Variants in FBF1 observed in about 807,000 individuals in gnomAD.
FBF1 encodes the protein Fas binding factor 1.
In FBF1, 119 loss-of-function variants were observed where a neutral mutation model predicts 147.2. The ratio of observed to expected loss-of-function variants is 0.81; its 90% CI spans 0.70 to 0.94. FBF1 has a LOEUF of 0.94. Ranked by LOEUF, FBF1 falls within the 40% of genes least tolerant of loss-of-function variation. FBF1 has a pLI of 0.00. For synonymous variants in FBF1, 601 were observed against 609.0 expected, an observed-to-expected ratio of 0.99 and a Z score of 0.19; for missense variants, 1,449 against 1,500.8, an observed-to-expected ratio of 0.97 and a Z score of 0.57.
chr17:75,927,201 A>C (rs2065567616), intron 9 of FBF1, among the ~76,000 whole-genome samples: 1 of 152,216 alleles, frequency 6.6e-6, no homozygotes, highest in African/African-American at 2.4e-5. Context: ...CCACACATTC[A>C]TGACGGGAAA....
chr17:75,937,421 C>T lies in FBF1; in HGVS notation c.31+145G>A, dbSNP rs549949418. 696 of 776,498 alleles carry T rather than the reference C, an allele frequency of 9.0e-4. 2 individuals are homozygous for T. The highest frequency in any genetic ancestry group is 1.2e-3 in the Non-Finnish European group (575 of 460,272). 48.1% of individuals were successfully genotyped at this position (776,498 alleles called of 1,614,324 possible). The stretch of plus-strand genomic sequence containing the variant: ...TCCTGACCTCATGATCCACCCACCT[C>T]GGCCTCCCAAAGCGCTGGGATTACA... On this transcript the variant is annotated intron_variant, in intron 3 of 29. Transcript: ENST00000636174.
chr17:75,925,202 C>T lies in FBF1; in HGVS notation c.968+145G>A, dbSNP rs191591925. 4,854 of 576,276 alleles carry T rather than the reference C, an allele frequency of 8.4e-3. 49 individuals carry two copies. The highest frequency in any genetic ancestry group is 0.012 in the East Asian group (377 of 32,388). The allele number at this position is 576,276 out of a possible 1,614,324, so 35.7% of individuals were successfully genotyped here. On this transcript the variant is annotated intron_variant, in intron 13 of 29. Coordinates refer to ENST00000636174, the MANE Select transcript of FBF1 (RefSeq NM_001319193.2). The surrounding 1 kb of genome is among the most constrained non-coding windows in gnomAD (Gnocchi z 5.0). The stretch of plus-strand genomic sequence containing the variant: ...GCGGGACCAGGCCATCTCCCGCTTC[C>T]TTCAGCACCTGCAGAGCTGAGGGCC...
At position 75,919,965 on chromosome 17, in the gene FBF1, A is replaced by C; in HGVS notation, c.1931+42T>G. On this transcript the variant is annotated intron_variant, in intron 19 of 29. Transcript: ENST00000636174. The surrounding 1 kb of genome is among the most constrained non-coding windows in gnomAD (Gnocchi z 5.0). The stretch of plus-strand genomic sequence containing the variant: ...GGCACACTGGGTGGCCTTTGGGGTC[A>C]GTGTGAGATCCAAGGCAGAGCTGGG... 4 of 1,610,258 alleles carry C rather than the reference A, an allele frequency of 2.5e-6. No individual in the cohort carries two copies. Among genetic ancestry groups the C allele is most frequent in the Non-Finnish European group, 3.4e-6 (4 of 1,177,454 alleles).
rs2065446380 is a variant in FBF1, at chr17:75,909,633, G to A, written c.*1090C>T. The A allele has an allele frequency of 3.6e-6, 2 of 554,470 alleles. No homozygotes were observed. The highest frequency in any genetic ancestry group is 3.8e-5 in the African/African-American group (2 of 53,300). The allele number at this position is 554,470 out of a possible 1,614,324, so 34.3% of individuals were successfully genotyped here. A position where few individuals can be genotyped will look rare whatever the true frequency, so the allele number is the denominator to read the frequency against. On this transcript the variant is annotated 3_prime_UTR_variant, in exon 30 of 30. Transcript: ENST00000636174. The stretch of plus-strand genomic sequence containing the variant: ...CCTCAGTTTCTGCATGTTTGAAGCA[G>A]GGCTAATAGTACCCTTCTCCTGGCT...
rs893719291 is a variant in FBF1 at position 75,922,043 on chromosome 17, T to C, written c.1428A>G (p.Gln476=). ...GTAGHPPSGS[Q]PLTSTQGLEH... ...CAAGCCCTTGTGTGCTGGTGAGAGG[T>C]TGGCTGAGGAAAGGCAGCGTTCAAG... The change falls in exon 15 of 30, where the codon CAA becomes CAG. Residue 476 remains glutamine, a synonymous_variant. Transcript: ENST00000636174. This position sits in a 1 kb window ranked among gnomAD's most constrained non-coding sequence, Gnocchi z 5.0. 13 of 1,551,698 alleles carry C rather than the reference T, an allele frequency of 8.4e-6. No individual in the cohort carries two copies. The highest frequency in any genetic ancestry group is 2.0e-5 in the Admixed American group (1 of 50,956).
chr17:75,935,938 G>A (rs944568604), intron 3 of FBF1, among the ~76,000 whole-genome samples: 2 of 152,134 alleles, frequency 1.3e-5, no homozygotes, highest in Admixed American at 1.3e-4. Context: ...CACTTTGGGA[G>A]GCCGAGGCGG....
chr17:75,936,510 A>G (rs2065626293), intron 3 of FBF1, among the ~76,000 whole-genome samples: 1 of 151,454 alleles, frequency 6.6e-6, no homozygotes, highest in South Asian at 2.1e-4. Context: ...ACAAACAAAC[A>G]AAACCAAAAC....
In FBF1 at chr17:75,914,016, G is replaced by T; in HGVS notation, c.3026C>A (p.Ala1009Glu). 1 of 1,583,786 alleles carries T rather than the reference G, an allele frequency of 6.3e-7. No homozygotes were observed. Among genetic ancestry groups the T allele is most frequent in the African/African-American group, 1.3e-5 (1 of 74,688 alleles). ...ASEKYEEGER[A>E]LREAQQVQAE... is the part of the protein sequence containing the mutation. ...CTGCACCTGCTGGGCCTCGCGCAAT[G>T]CCCGCTCCCCCTCCTCGTACTTCTC... The change falls in exon 27 of 30, where the codon GCA becomes GAA. Residue 1009 changes from alanine (A) to glutamate (E), a missense_variant. Coordinates refer to ENST00000636174, the MANE Select transcript of FBF1 (RefSeq NM_001319193.2).
Position 75,923,359 on chromosome 17 carries a change from G to A in FBF1, c.1251C>T (p.Ser417=), listed in dbSNP as rs376281766. The change falls in exon 14 of 30, where the codon TCC becomes TCT. Residue 417 remains serine, a synonymous_variant. Transcript: ENST00000636174. The surrounding 1 kb of genome is among the most constrained non-coding windows in gnomAD (Gnocchi z 4.1). ...TGGAAGCCTGGCTGGCTTTGGCAGG[G>A]GACCCTGCACCTTCAGTTGGTGGCT... is the stretch of plus-strand genomic sequence containing the variant. The part of the protein sequence containing the change: ...RAKPPTEGAG[S]PAKASQASKL... 4.1e-5 allele frequency: 66 copies of A among 1,605,154 alleles called. No homozygotes were observed. In the African/African-American group the frequency reaches 8.8e-4, roughly 21 times the overall value.
At chr17:75,929,947 C>CGGG in intron 7 of FBF1, 50 bp downstream of exon 7, 1 of 382,500 alleles carries the variant, frequency 2.6e-6, no homozygotes, top group Non-Finnish European at 5.2e-6. Context: ...ATATCATGAC[C>CGGG]CCACCCCACC....
Position 75,919,681 on chromosome 17 carries a change from G to A in FBF1, c.2125C>T (p.Arg709Trp), listed in dbSNP as rs200878444. 204 of 1,604,668 alleles carry A rather than the reference G, an allele frequency of 1.3e-4. 1 individual carries two copies. Among genetic ancestry groups the A allele is most frequent in the East Asian group, 3.1e-4 (14 of 44,556 alleles). Residue 709 changes from arginine (R) to tryptophan (W), a missense_variant, in exon 20 of 30, where the codon CGG (arginine) becomes TGG (tryptophan). Transcript: ENST00000636174. The surrounding 1 kb of genome is among the most constrained non-coding windows in gnomAD (Gnocchi z 5.0). The part of the protein sequence containing the change: ...QEKDQEMERL[R>W]ELQRASILDM... ...CCTGGGCCTCACCGCTGCAGCTCCCGGAGCCGCTCCATTTCCTGGTCCTTC... is the reference window on the plus strand; with the variant it reads ...CCTGGGCCTCACCGCTGCAGCTCCCAGAGCCGCTCCATTTCCTGGTCCTTC...
chr17:75,922,884 C>T lies in FBF1; in HGVS notation c.1424+302G>A, dbSNP rs2065536595. Among the ~76,000 whole-genome samples the T allele has an allele frequency of 6.6e-6, 1 of 152,226 alleles. No individual in the cohort carries two copies. The highest frequency in any genetic ancestry group is 1.5e-5 in the Non-Finnish European group (1 of 68,038). ...TGTGACAGGGCAGCGGTGTGTCTGC[C>T]ACCTCAGGGACCCTCTGTCTTCTCC... On this transcript the variant is annotated intron_variant, in intron 14 of 29. Coordinates refer to ENST00000636174, the MANE Select transcript of FBF1 (RefSeq NM_001319193.2). The surrounding 1 kb of genome is among the most constrained non-coding windows in gnomAD (Gnocchi z 5.0).
rs918584693 is a variant in FBF1 at position 75,913,878 on chromosome 17, G to C, written c.3129+35C>G. The C allele has an allele frequency of 3.9e-6, 6 of 1,552,486 alleles. No individual in the cohort carries two copies. In the East Asian group the frequency reaches 1.2e-4, roughly 31 times the overall value. ...TGTGAGGTGGGAGGCTGGGGGTGCC[G>C]GGGGCAGGGGCGCCATACACTCAGG... is the stretch of plus-strand genomic sequence containing the variant. On this transcript the variant is annotated intron_variant, in intron 27 of 29. Transcript: ENST00000636174.
rs1455086832 is a variant in FBF1, at chr17:75,909,659, G to A, written c.*1064C>T. On this transcript the variant is annotated 3_prime_UTR_variant, in exon 30 of 30. Coordinates refer to ENST00000636174, the MANE Select transcript of FBF1 (RefSeq NM_001319193.2). ...GGCTAATAGTACCCTTCTCCTGGCT[G>A]TGGTCCAGCTGCCAGGTGCCACCGC... 6 of 570,570 alleles carry A rather than the reference G, an allele frequency of 1.1e-5. No homozygotes were observed. The highest frequency in any genetic ancestry group is 1.9e-5 in the Non-Finnish European group (6 of 319,834). 35.3% of individuals were successfully genotyped at this position (570,570 alleles called of 1,614,324 possible).
At chr17:75,936,400 G>T (rs1438307324) in intron 3 of FBF1, among the ~76,000 whole-genome samples, 3 of 148,940 alleles carry the variant, frequency 2.0e-5, no homozygotes, top group African/African-American at 4.9e-5. Context: ...GATGAGGCAG[G>T]AGAATTGCTT....
At chr17:75,929,312 T>C (rs970192053) in intron 7 of FBF1, among the ~76,000 whole-genome samples, 2 of 151,602 alleles carry the variant, frequency 1.3e-5, no homozygotes, top group South Asian at 2.1e-4. Context: ...GCCTGGGTGA[T>C]AGAATGCGAT....
Position 75,926,410 on chromosome 17 carries a change from T to TA in FBF1, c.611dup (p.Thr205AsnfsTer16). ...TTCGGATGGGGGTGTCCCCAGGAGT[T>TA]AGAGGAATAGAGGGACCTGAAAGAC... On this transcript the variant is annotated frameshift_variant, in exon 11 of 30. Transcript: ENST00000636174. LOFTEE classifies it high-confidence loss of function. 6.4e-7 allele frequency: 1 copy of TA among 1,571,958 alleles called. No homozygotes were observed. Among genetic ancestry groups the TA allele is most frequent in the Non-Finnish European group, 8.6e-7 (1 of 1,161,200 alleles).
At chr17:75,926,002 C>T in intron 12 of FBF1, 28 bp downstream of exon 12, 1 of 1,585,372 alleles carries the variant, frequency 6.3e-7, no homozygotes, top group Non-Finnish European at 8.6e-7. Context: ...CCCTCCCGTC[C>T]TGTTGCGGCC....
chr17:75,938,576 A>AAG (rs1372564638), intron 1 of FBF1, among the ~76,000 whole-genome samples: 3 of 150,356 alleles, frequency 2.0e-5, no homozygotes, highest in African/African-American at 7.4e-5. Flanking sequence ...AAAAAAAAAA[A>AAG]AGAGACCGGG....
Sources: allele counts gnomAD v4.1 joint callset (sites outside exome capture counted in the v4.1 genomes callset), GRCh38; gene constraint gnomAD v4.1.1; non-coding constraint Gnocchi (gnomAD v3.1); transcripts MANE v1.5; gene names NCBI Gene and HGNC (gene_info 2026-07-23, HGNC 2026-07-21).